Variants in BACH2 observed in about 807,000 individuals in gnomAD.
BACH2 encodes transcription regulator protein BACH2.
Under a neutral mutation model 61.8 loss-of-function variants are expected in BACH2, and 5 were observed. That is an observed-to-expected ratio of 0.08 (90% CI 0.04 to 0.17). BACH2 has a LOEUF of 0.17. Among genes scored for constraint, BACH2 ranks in the 10% least tolerant of loss-of-function variants. BACH2 has a pLI of 1.00. For synonymous variants in BACH2, 446 were observed against 440.1 expected, an observed-to-expected ratio of 1.01 and a Z score of -0.17; for missense variants, 824 against 1,091.1, an observed-to-expected ratio of 0.76 and a Z score of 3.45.
intron 5 of BACH2, among the ~76,000 whole-genome samples, chr6:90,041,148 A>T (rs1294797804): frequency 1.3e-5 from 2 of 152,166 alleles, no homozygotes; most frequent in Non-Finnish European, 2.9e-5. Flanking sequence ...ATTGTTTCTG[A>T]CATGGCTTCT....
At chr6:90,091,092 C>A (rs1439098756) in intron 4 of BACH2, among the ~76,000 whole-genome samples, 1 of 152,114 alleles carries the variant, frequency 6.6e-6, no homozygotes, top group African/African-American at 2.4e-5. Context: ...CTCCTTATTC[C>A]CCAATAAGTT....
At chr6:90,141,212 GCT>G (rs1467025520) in intron 4 of BACH2, among the ~76,000 whole-genome samples, 2 of 152,062 alleles carry the variant, frequency 1.3e-5, no homozygotes, top group African/African-American at 4.8e-5. Flanking sequence ...ATGGAGTCTT[GCT>G]CTGTCCTCCA....
At chr6:89,961,505 C>G (rs1301278930) in intron 6 of BACH2, among the ~76,000 whole-genome samples, 2 of 152,192 alleles carry the variant, frequency 1.3e-5, no homozygotes, top group African/African-American at 4.8e-5. Flanking sequence ...CAGTGATTTT[C>G]CTAGGCGAGA....
chr6:90,148,232 A>G (rs963020307), intron 4 of BACH2, among the ~76,000 whole-genome samples: 1 of 152,190 alleles, frequency 6.6e-6, no homozygotes, highest in Non-Finnish European at 1.5e-5. Context: ...AAGTGAGGAA[A>G]AATGTTATTT....
At chr6:90,180,389 A>G (rs1340508519) in intron 4 of BACH2, among the ~76,000 whole-genome samples, 4 of 152,300 alleles carry the variant, frequency 2.6e-5, no homozygotes, top group Admixed American at 2.6e-4. Context: ...TAAAAATGTT[A>G]TTTCAATAGC....
intron 4 of BACH2, among the ~76,000 whole-genome samples, chr6:90,162,108 C>T (rs990337984): frequency 1.3e-5 from 2 of 152,128 alleles, no homozygotes; most frequent in Admixed American, 1.3e-4. Flanking sequence ...TGGACACTGG[C>T]TTTCTTGAAA....
At chr6:90,122,145 A>T (rs539639732) in intron 4 of BACH2, among the ~76,000 whole-genome samples, 1 of 152,324 alleles carries the variant, frequency 6.6e-6, no homozygotes, top group Non-Finnish European at 1.5e-5. Flanking sequence ...CGTCCAGGCA[A>T]AGCACACCAT....
chr6:90,100,553 A>G (rs1235984179), intron 4 of BACH2, among the ~76,000 whole-genome samples: 1 of 151,996 alleles, frequency 6.6e-6, no homozygotes, highest in East Asian at 1.9e-4. Flanking sequence ...CTCCCTTTGG[A>G]CTCTAACTGC....
intron 4 of BACH2, among the ~76,000 whole-genome samples, chr6:90,131,411 A>G (rs1040844239): frequency 1.1e-4 from 16 of 152,288 alleles, no homozygotes; most frequent in African/African-American, 3.4e-4. Flanking sequence ...ATTTTGTAAT[A>G]ATTCCAAAAT....
intron 4 of BACH2, among the ~76,000 whole-genome samples, chr6:90,157,810 T>G (rs1785045339): frequency 6.6e-6 from 1 of 152,200 alleles, no homozygotes; most frequent in Non-Finnish European, 1.5e-5. Flanking sequence ...GATGGTCATT[T>G]GAAAGGTATT....
At position 89,931,484 on chromosome 6, in the gene BACH2, G is replaced by C. The variant is rs1258986757; in HGVS notation, c.*924C>G. ...TTTAACTAAAAGCAAAGAATATACA[G>C]TATACTTGAGTTATACCGAAGTTAC... On this transcript the variant is annotated 3_prime_UTR_variant, in exon 9 of 9. Transcript: ENST00000257749. 1 of 152,592 alleles carries C rather than the reference G, an allele frequency of 6.6e-6. No individual in the cohort carries two copies. The highest frequency in any genetic ancestry group is 1.5e-5 in the Non-Finnish European group (1 of 68,026). The allele number at this position is 152,592 out of a possible 1,614,324, so 9.5% of individuals were successfully genotyped here. A position where few individuals can be genotyped will look rare whatever the true frequency, so the allele number is the denominator to read the frequency against.
intron 4 of BACH2, among the ~76,000 whole-genome samples, chr6:90,198,571 C>G (rs564488909): frequency 6.6e-6 from 1 of 152,332 alleles, no homozygotes; most frequent in East Asian, 1.9e-4. Flanking sequence ...TTCAGACTCT[C>G]CTTCATCTTT....
At chr6:90,084,200 A>G (rs968791759) in intron 5 of BACH2, among the ~76,000 whole-genome samples, 2 of 152,014 alleles carry the variant, frequency 1.3e-5, no homozygotes, top group Admixed American at 1.3e-4. Flanking sequence ...CACAAATTCA[A>G]TGTCTGGAAC....
At chr6:90,108,569 C>T (rs1043775506) in intron 4 of BACH2, among the ~76,000 whole-genome samples, 1 of 152,046 alleles carries the variant, frequency 6.6e-6, no homozygotes, top group African/African-American at 2.4e-5. Flanking sequence ...TCTTCCTTCC[C>T]AGCTTGGGAA....
chr6:90,156,867 C>A (rs374155649), intron 4 of BACH2, among the ~76,000 whole-genome samples: 1 of 152,140 alleles, frequency 6.6e-6, no homozygotes, highest in Non-Finnish European at 1.5e-5. Flanking sequence ...GAATACATGA[C>A]CCAGGCGGCC....
At chr6:90,002,044 G>A (rs1777159859) in intron 6 of BACH2, among the ~76,000 whole-genome samples, 1 of 152,132 alleles carries the variant, frequency 6.6e-6, no homozygotes, top group Admixed American at 6.5e-5. Flanking sequence ...AATCACAAAT[G>A]GCCTCCAAAT....
chr6:89,959,665 G>A (rs985401840), intron 6 of BACH2, among the ~76,000 whole-genome samples: 3 of 151,974 alleles, frequency 2.0e-5, no homozygotes, highest in Non-Finnish European at 4.4e-5. Flanking sequence ...AAACATAACC[G>A]GAAAACTGAA....
chr6:90,190,499 G>A (rs961192319), intron 4 of BACH2, among the ~76,000 whole-genome samples: 2 of 152,200 alleles, frequency 1.3e-5, no homozygotes, highest in African/African-American at 4.8e-5. Context: ...AAAAGCAGTT[G>A]TCTATAGTAA....
chr6:90,084,494 C>T (rs968685734), intron 5 of BACH2, among the ~76,000 whole-genome samples: 2 of 150,746 alleles, frequency 1.3e-5, no homozygotes, highest in African/African-American at 4.9e-5. Context: ...CTCCCTTAGA[C>T]TTGCTGACCT....
Sources: allele counts gnomAD v4.1 joint callset (sites outside exome capture counted in the v4.1 genomes callset), GRCh38; gene constraint gnomAD v4.1.1; transcripts MANE v1.5; gene names NCBI Gene and HGNC (gene_info 2026-07-23, HGNC 2026-07-21).